UTRN: variants seen among roughly 807,000 people sequenced by gnomAD.
The protein encoded by UTRN is dystrophin-related protein 1.
Under a neutral mutation model 463.9 loss-of-function variants are expected in UTRN, and 283 were observed. That is an observed-to-expected ratio of 0.61 (90% confidence interval 0.55 to 0.67). UTRN has a LOEUF of 0.67. UTRN is among the 30% of genes least tolerant of loss of function. The pLI, the probability that UTRN is intolerant of heterozygous loss-of-function variation, is 0.00. For synonymous variants in UTRN, 1,442 were observed against 1,431.5 expected, an observed-to-expected ratio of 1.01 and a Z score of -0.17; for missense variants, 3,922 against 4,084.3, an observed-to-expected ratio of 0.96 and a Z score of 1.08.
At chr6:144,549,603 C>T (rs1442653643) in intron 47 of UTRN, among the ~76,000 whole-genome samples, 3 of 152,168 alleles carry the variant, frequency 2.0e-5, no homozygotes, top group Non-Finnish European at 4.4e-5. Flanking sequence ...AGGCAAGAGT[C>T]TAATAAAAGC....
In UTRN at chr6:144,690,483, G is replaced by C. The variant is rs79574691; in HGVS notation, c.7653-9604G>C. Among the ~76,000 whole-genome samples the C allele has an allele frequency of 5.0e-3, 763 of 152,236 alleles. 6 individuals are homozygous for C. Among genetic ancestry groups the C allele is most frequent in the African/African-American group, 0.017 (716 of 41,538 alleles). On this transcript the variant is annotated intron_variant, in intron 52 of 74. Transcript: ENST00000367545. ...ATCATAAGCCTTCCCAGTGGAGATG[G>C]AAACTGCAGGGCTTTCAGGCCATGC...
At chr6:144,341,341 T>A (rs142589427) in intron 2 of UTRN, among the ~76,000 whole-genome samples, 6 of 152,354 alleles carry the variant, frequency 3.9e-5, no homozygotes, top group Non-Finnish European at 8.8e-5. Flanking sequence ...TAGTTTTTGT[T>A]CTGTTTAGTT....
At chr6:144,561,902 G>T (rs755367865) in intron 50 of UTRN, among the ~76,000 whole-genome samples, 1 of 152,010 alleles carries the variant, frequency 6.6e-6, no homozygotes. Context: ...TACTTTCTGG[G>T]GTTAAATTAG....
rs1342293511 is a variant in UTRN at position 144,500,227 on chromosome 6, C to T, written c.4764+800C>T. On this transcript the variant is annotated intron_variant, in intron 34 of 74. Coordinates refer to ENST00000367545, the MANE Select transcript of UTRN (RefSeq NM_007124.3). ...CAGAGGCTGAACTAATTTACATTCCCACCAACAGTATAAAAGTGTTCCTTT... is the reference window on the plus strand; with the variant it reads ...CAGAGGCTGAACTAATTTACATTCCTACCAACAGTATAAAAGTGTTCCTTT... 7.2e-5 allele frequency among the ~76,000 whole-genome samples: 11 copies of T among 152,174 alleles called. No individual in the cohort carries two copies. In the East Asian group the frequency reaches 2.1e-3, roughly 29 times the overall value.
At chr6:144,669,659 T>C (rs1434822070) in intron 51 of UTRN, among the ~76,000 whole-genome samples, 1 of 152,090 alleles carries the variant, frequency 6.6e-6, no homozygotes, top group Non-Finnish European at 1.5e-5. Flanking sequence ...TTAGTGATGA[T>C]TTCTGAGATT....
intron 13 of UTRN, among the ~76,000 whole-genome samples, chr6:144,442,057 G>A (rs1230617212): frequency 1.3e-5 from 2 of 152,178 alleles, no homozygotes; most frequent in African/African-American, 4.8e-5. Flanking sequence ...AGGGGCTGAT[G>A]TGAAGACCTC....
At chr6:144,335,520 T>C (rs548517243) in intron 2 of UTRN, among the ~76,000 whole-genome samples, 50 of 152,330 alleles carry the variant, frequency 3.3e-4, no homozygotes, top group Non-Finnish European at 6.6e-4. Context: ...TTGAACCCGA[T>C]TCCTGAGGCA....
At chr6:144,361,373 T>C (rs1779063028) in intron 2 of UTRN, among the ~76,000 whole-genome samples, 1 of 152,168 alleles carries the variant, frequency 6.6e-6, no homozygotes, top group African/African-American at 2.4e-5. Context: ...TTATTAATGC[T>C]CCAGGGAAAA....
At chr6:144,287,309 T>C (rs1332689949) in intron 1 of UTRN, among the ~76,000 whole-genome samples, 1 of 152,192 alleles carries the variant, frequency 6.6e-6, no homozygotes, top group Non-Finnish European at 1.5e-5. Context: ...CTAAAATTTA[T>C]TGGCTCTGTA....
rs201921237 is a variant in UTRN, at chr6:144,432,677, TC to T, written c.855+2937del. ...AAGGTCTGGATGGATTTGAGATAAG[TC>T]TTTTTTTTTTTTAATATATATTTTT... On this transcript the variant is annotated intron_variant, in intron 9 of 74. Coordinates refer to ENST00000367545, the MANE Select transcript of UTRN (RefSeq NM_007124.3). Among the ~76,000 whole-genome samples the T allele has an allele frequency of 0.012, 1,766 of 150,814 alleles. 65 individuals carry two copies. The East Asian group carries it at 0.13, about 12-fold the overall frequency.
intron 34 of UTRN, among the ~76,000 whole-genome samples, chr6:144,503,372 T>C (rs1251302038): frequency 6.6e-6 from 1 of 152,244 alleles, no homozygotes; most frequent in Non-Finnish European, 1.5e-5. Context: ...CTAGGGTTTT[T>C]ATGGTTTTAG....
chr6:144,589,964 G>A (rs576596664), intron 51 of UTRN, among the ~76,000 whole-genome samples: 120 of 151,488 alleles, frequency 7.9e-4, no homozygotes, highest in Non-Finnish European at 1.3e-3. Context: ...CTATCCTCCC[G>A]CCTCAGCCTC....
chr6:144,590,732 G>C (rs1055091740), intron 51 of UTRN, among the ~76,000 whole-genome samples: 3 of 151,732 alleles, frequency 2.0e-5, no homozygotes, highest in Non-Finnish European at 4.4e-5. Context: ...AAACAGTTCT[G>C]GCTTTGCCAC....
intron 50 of UTRN, among the ~76,000 whole-genome samples, chr6:144,558,859 G>C (rs1799615402): frequency 6.6e-6 from 1 of 152,036 alleles, no homozygotes; most frequent in African/African-American, 2.4e-5. Flanking sequence ...CAAGTGTTAT[G>C]GGAGTTATGT....
chr6:144,386,774 A>G (rs866816622), intron 2 of UTRN, among the ~76,000 whole-genome samples: 14 of 152,116 alleles, frequency 9.2e-5, no homozygotes, highest in Admixed American at 2.6e-4. Flanking sequence ...GTGCAATTTT[A>G]CAAATTTAAT....
chr6:144,711,690 C>T (rs1785728711), intron 53 of UTRN, among the ~76,000 whole-genome samples: 1 of 152,142 alleles, frequency 6.6e-6, no homozygotes, highest in East Asian at 1.9e-4. Flanking sequence ...ACCCTTTCTC[C>T]AATAGAATGC....
chr6:144,434,880 A>G (rs1326255343), intron 9 of UTRN, among the ~76,000 whole-genome samples: 1 of 152,208 alleles, frequency 6.6e-6, no homozygotes, highest in African/African-American at 2.4e-5. Flanking sequence ...GTGGGTGGCC[A>G]GCTCTCCGGG....
At chr6:144,352,752 A>G (rs902714957) in intron 2 of UTRN, among the ~76,000 whole-genome samples, 4 of 152,194 alleles carry the variant, frequency 2.6e-5, no homozygotes, top group Non-Finnish European at 4.4e-5. Context: ...AGGTAAATCT[A>G]TGTCTTGATT....
chr6:144,506,445 A>G (rs1490216846), intron 34 of UTRN, among the ~76,000 whole-genome samples: 1 of 152,106 alleles, frequency 6.6e-6, no homozygotes, highest in Non-Finnish European at 1.5e-5. Context: ...AGTTCTTGTA[A>G]GGCAGGCCTC....
Sources: allele counts gnomAD v4.1 joint callset (sites outside exome capture counted in the v4.1 genomes callset), GRCh38; gene constraint gnomAD v4.1.1; transcripts MANE v1.5; gene names NCBI Gene and HGNC (gene_info 2026-07-23, HGNC 2026-07-21).